Variants in GRIA2 observed in about 807,000 individuals in gnomAD.
GRIA2 encodes the protein glutamate receptor 2.
In GRIA2, 14 loss-of-function variants were observed where a neutral mutation model predicts 97.3. The observed-to-expected ratio is 0.14, with a 90% CI of 0.10 to 0.23. The LOEUF is 0.23. Ranked by LOEUF, GRIA2 falls within the 10% of genes least tolerant of loss-of-function variation. GRIA2 has a pLI of 1.00. For synonymous variants in GRIA2, 412 were observed against 387.8 expected (o/e 1.06, Z -0.73); for missense variants, 558 against 1,069.8 (o/e 0.52, Z 6.67).
intron 2 of GRIA2, among the ~76,000 whole-genome samples, chr4:157,267,719 T>C (rs1164581279): frequency 6.6e-6 from 1 of 152,088 alleles, no homozygotes; most frequent in African/African-American, 2.4e-5. Flanking sequence ...GCACTGTCAC[T>C]TGTAAGAATA....
intron 12 of GRIA2, among the ~76,000 whole-genome samples, chr4:157,355,951 T>TTTATATATTTA (rs1736306229): frequency 1.9e-4 from 13 of 68,100 alleles, no homozygotes; most frequent in African/African-American, 7.5e-4. Flanking sequence ...TAATATATAT[T>TTTATATATTTA]TATATATTTA....
intron 11 of GRIA2, among the ~76,000 whole-genome samples, chr4:157,340,263 G>A (rs1485042432): frequency 2.0e-5 from 3 of 151,834 alleles, no homozygotes; most frequent in East Asian, 3.9e-4. Context: ...CTAATTGTTA[G>A]ACATAGTAGA....
chr4:157,309,759 TTATAA>T (rs1288907962), intron 3 of GRIA2, among the ~76,000 whole-genome samples: 2 of 152,342 alleles, frequency 1.3e-5, no homozygotes, highest in East Asian at 1.9e-4. Context: ...TTAAACTTTC[TTATAA>T]TATATGTCAA....
intron 2 of GRIA2, among the ~76,000 whole-genome samples, chr4:157,272,490 C>A (rs1199646087): frequency 6.6e-6 from 1 of 151,938 alleles, no homozygotes; most frequent in Non-Finnish European, 1.5e-5. Context: ...AAAATTGTTG[C>A]AGGCTCAGTG....
intron 2 of GRIA2, among the ~76,000 whole-genome samples, chr4:157,268,740 A>G (rs1057223539): frequency 1.3e-5 from 2 of 151,976 alleles, no homozygotes; most frequent in East Asian, 3.9e-4. Flanking sequence ...ATTTTATTCC[A>G]TCTGAGTAAA....
At chr4:157,342,588 T>C (rs1325437311) in intron 12 of GRIA2, 3 of 279,272 alleles carry the variant, frequency 1.1e-5, no homozygotes, top group African/African-American at 6.9e-5. Flanking sequence ...TGTATTATCA[T>C]TTCTAAACAT....
At chr4:157,353,072 G>T (rs1314820097) in intron 12 of GRIA2, among the ~76,000 whole-genome samples, 2 of 151,844 alleles carry the variant, frequency 1.3e-5, no homozygotes, top group Non-Finnish European at 2.9e-5. Flanking sequence ...AACAAAACAG[G>T]CCAGGCGTGC....
chr4:157,307,987 T>A (rs1274184549), intron 3 of GRIA2, among the ~76,000 whole-genome samples: 1 of 152,268 alleles, frequency 6.6e-6, no homozygotes, highest in Non-Finnish European at 1.5e-5. Flanking sequence ...TTAATTTATA[T>A]GCTTGAAAGA....
intron 12 of GRIA2, among the ~76,000 whole-genome samples, chr4:157,355,894 T>A (rs868087379): frequency 0.024 from 89 of 3,688 alleles, 2 homozygotes; most frequent in African/African-American, 0.044. Flanking sequence ...TTAATATATT[T>A]ATATATAAAT....
chr4:157,221,376 C>A (rs114938139), intron 1 of GRIA2: 7,940 of 560,750 alleles, frequency 0.014, 73 homozygotes, highest in Middle Eastern at 0.027. Flanking sequence ...TCTGCCTTAG[C>A]GACATTTTCC....
chr4:157,323,644 TAGG>T (rs1369821378), intron 6 of GRIA2, among the ~76,000 whole-genome samples: 1 of 152,156 alleles, frequency 6.6e-6, no homozygotes, highest in Non-Finnish European at 1.5e-5. Flanking sequence ...TGCTGCCTGC[TAGG>T]AGAAGCATGA....
chr4:157,351,042 C>T (rs1398518457), intron 12 of GRIA2, among the ~76,000 whole-genome samples: 1 of 147,224 alleles, frequency 6.8e-6, no homozygotes, highest in African/African-American at 2.5e-5. Flanking sequence ...TGTATATCTT[C>T]ATCCAAATTG....
At chr4:157,310,052 T>C (rs2126880639) in intron 3 of GRIA2, among the ~76,000 whole-genome samples, 1 of 152,290 alleles carries the variant, frequency 6.6e-6, no homozygotes, top group South Asian at 2.1e-4. Context: ...TTTCTCTTAC[T>C]TGCAGAGAAA....
intron 2 of GRIA2, among the ~76,000 whole-genome samples, chr4:157,222,156 G>C (rs532885170): frequency 1.4e-3 from 210 of 152,164 alleles, no homozygotes; most frequent in African/African-American, 4.8e-3. Context: ...GCTCCCCATC[G>C]AGCGCCTGTT....
intron 3 of GRIA2, among the ~76,000 whole-genome samples, chr4:157,307,707 A>G (rs1384737055): frequency 6.6e-6 from 1 of 152,242 alleles, no homozygotes; most frequent in African/African-American, 2.4e-5. Flanking sequence ...TTTAGTGTCA[A>G]CAAGGTAAGA....
rs867440921 is a variant in GRIA2 at position 157,316,378 on chromosome 4, C to A, written c.667-1280C>A. Among the ~76,000 whole-genome samples the A allele has an allele frequency of 2.0e-5, 3 of 152,094 alleles. No homozygotes were observed. The South Asian group carries it at 6.2e-4, about 32-fold the overall frequency. On this transcript the variant is annotated intron_variant, in intron 4 of 15. Transcript: ENST00000264426. ...TTAACTTCCTTTCAAACAGCTATGG[C>A]TTAATATCAAAGTGGCATATGGTAG...
intron 2 of GRIA2, among the ~76,000 whole-genome samples, chr4:157,273,450 C>A (rs778506430): frequency 6.6e-6 from 1 of 151,888 alleles, no homozygotes; most frequent in Non-Finnish European, 1.5e-5. Context: ...TTTAAAACAT[C>A]AATGATTAAT....
Position 157,312,751 on chromosome 4 carries a change from G to C in GRIA2, c.542G>C (p.Gly181Ala). The C allele has an allele frequency of 6.2e-7, 1 of 1,608,956 alleles. No homozygotes were observed. The highest frequency in any genetic ancestry group is 8.5e-7 in the Non-Finnish European group (1 of 1,175,814). The change falls in exon 4 of 16, where the codon GGA becomes GCA. Residue 181 changes from glycine (G) to alanine (A), a missense_variant. Transcript: ENST00000264426. Reference protein sequence around the residue: ...KKWQVTAINVGNINNDKKDEM... With the variant: ...KKWQVTAINVANINNDKKDEM... ...TGGCAAGTGACTGCTATCAATGTGG[G>C]AAACATTAACAATGACAAGAAAGAT...
intron 2 of GRIA2, among the ~76,000 whole-genome samples, chr4:157,242,969 G>A (rs369080786): frequency 6.6e-6 from 1 of 152,120 alleles, no homozygotes; most frequent in Admixed American, 6.6e-5. Context: ...CTATGCTTGG[G>A]AACCACTTTA....
Sources: allele counts gnomAD v4.1 joint callset (sites outside exome capture counted in the v4.1 genomes callset), GRCh38; gene constraint gnomAD v4.1.1; transcripts MANE v1.5; gene names NCBI Gene and HGNC (gene_info 2026-07-23, HGNC 2026-07-21).